PEBP4: variants seen among roughly 807,000 people sequenced by gnomAD.
PEBP4 encodes phosphatidylethanolamine-binding protein 4.
A neutral mutation model predicts 23.9 loss-of-function variants in PEBP4; 22 were observed. The ratio of observed to expected loss-of-function variants is 0.92; its 90% CI spans 0.66 to 1.31. PEBP4 has a LOEUF of 1.31. PEBP4 is among the 40% of genes most tolerant of loss of function. PEBP4 has a pLI of 0.00. For missense variants in PEBP4, 324 were observed against 281.7 expected (o/e 1.15, Z -1.07); for synonymous variants, 112 against 99.3 (o/e 1.13, Z -0.76).
intron 4 of PEBP4, among the ~76,000 whole-genome samples, chr8:22,796,438 G>A (rs192310724): frequency 4.0e-4 from 61 of 152,236 alleles, no homozygotes; most frequent in African/African-American, 1.4e-3. Flanking sequence ...TAAGTTGAGC[G>A]GAATTGTCTC....
intron 3 of PEBP4, among the ~76,000 whole-genome samples, chr8:22,909,250 C>T (rs1056455222): frequency 3.3e-5 from 5 of 152,164 alleles, no homozygotes; most frequent in Non-Finnish European, 7.4e-5. Context: ...GGGAGCCACA[C>T]CTAAGACGTG....
intron 4 of PEBP4, among the ~76,000 whole-genome samples, chr8:22,766,611 C>G (rs1805619461): frequency 6.6e-6 from 1 of 152,190 alleles, no homozygotes; most frequent in African/African-American, 2.4e-5. Context: ...CTGCACATTG[C>G]TGTGGGGGTA....
At chr8:22,840,164 A>C (rs902720550) in intron 3 of PEBP4, among the ~76,000 whole-genome samples, 1 of 152,168 alleles carries the variant, frequency 6.6e-6, no homozygotes, top group Admixed American at 6.5e-5. Context: ...AACCGTGATC[A>C]CAGTGTAAAA....
At chr8:22,735,237 C>T (rs1357941595) in intron 4 of PEBP4, among the ~76,000 whole-genome samples, 1 of 152,070 alleles carries the variant, frequency 6.6e-6, no homozygotes, top group African/African-American at 2.4e-5. Context: ...ATAATTGAGG[C>T]CTAGAGGCCA....
At chr8:22,754,486 G>A (rs528173020) in intron 4 of PEBP4, among the ~76,000 whole-genome samples, 5 of 152,268 alleles carry the variant, frequency 3.3e-5, no homozygotes, top group East Asian at 1.9e-4. Context: ...GTAGATGCCT[G>A]GGAGATCTTT....
intron 3 of PEBP4, among the ~76,000 whole-genome samples, chr8:22,882,932 C>T (rs1182883315): frequency 6.6e-6 from 1 of 152,202 alleles, no homozygotes; most frequent in African/African-American, 2.4e-5. Flanking sequence ...CCACCTGTTC[C>T]TCCCACGATG....
chr8:22,827,705 G>A (rs542589199), intron 3 of PEBP4, among the ~76,000 whole-genome samples: 1 of 152,318 alleles, frequency 6.6e-6, no homozygotes, highest in Admixed American at 6.5e-5. Flanking sequence ...TTTGCTGTAA[G>A]TCTCTGTGCA....
intron 4 of PEBP4, among the ~76,000 whole-genome samples, chr8:22,773,670 G>C (rs1805760179): frequency 6.6e-6 from 1 of 152,186 alleles, no homozygotes. Flanking sequence ...CTGCCAGAAG[G>C]ACCTGTGGGA....
In PEBP4 at chr8:22,898,371, G is replaced by A. The variant is rs576305903; in HGVS notation, c.258+21813C>T. 7.1e-4 allele frequency among the ~76,000 whole-genome samples: 84 copies of A among 118,924 alleles called. 1 individual carries two copies. Among genetic ancestry groups the A allele is most frequent in the African/African-American group, 2.5e-3 (77 of 31,166 alleles). The allele number at this position is 118,924 out of a possible 152,430, so 78.0% of individuals were successfully genotyped here. A position where few individuals can be genotyped will look rare whatever the true frequency, so the allele number is the denominator to read the frequency against. On this transcript the variant is annotated intron_variant, in intron 3 of 6. Transcript: ENST00000256404. ...CACACCGCTGCACTCCAGCCTGAGC[G>A]ACAGAGGAAGACTCCACCCCAAAAA...
At chr8:22,909,033 G>A (rs1238910408) in intron 3 of PEBP4, among the ~76,000 whole-genome samples, 2 of 152,144 alleles carry the variant, frequency 1.3e-5, no homozygotes, top group African/African-American at 2.4e-5. Flanking sequence ...GAACCCACCC[G>A]ACCCAAATCA....
In PEBP4 at chr8:22,798,014, G is replaced by A. The variant is rs758363196; in HGVS notation, c.357+19623C>T. 9.9e-5 allele frequency among the ~76,000 whole-genome samples: 15 copies of A among 152,260 alleles called. No homozygotes were observed. The South Asian group carries it at 1.2e-3, about 13-fold the overall frequency. On this transcript the variant is annotated intron_variant, in intron 4 of 6. Coordinates refer to ENST00000256404, the MANE Select transcript of PEBP4 (RefSeq NM_144962.3). Reference sequence around the variant, plus strand: ...TGGGACAACTAGGAAACAAGGCAGCGTGGAATCAGGTGCTAAATTGTGTGG... The same window carrying A: ...TGGGACAACTAGGAAACAAGGCAGCATGGAATCAGGTGCTAAATTGTGTGG...
intron 2 of PEBP4, chr8:22,925,245 C>A: frequency 1.0e-6 from 1 of 985,408 alleles, no homozygotes; most frequent in African/African-American, 1.7e-5. Flanking sequence ...ACCTTAAGGT[C>A]ATAAGTCTCT....
At chr8:22,876,154 A>T (rs1585318542) in intron 3 of PEBP4, among the ~76,000 whole-genome samples, 1 of 152,072 alleles carries the variant, frequency 6.6e-6, no homozygotes, top group Admixed American at 6.5e-5. Flanking sequence ...CAAGTGATAC[A>T]CCAGCCTCAG....
Position 22,817,626 on chromosome 8 carries a change from G to T in PEBP4, c.357+11C>A. The T allele has an allele frequency of 6.2e-7, 1 of 1,610,664 alleles. No homozygotes were observed. The highest frequency in any genetic ancestry group is 8.5e-7 in the Non-Finnish European group (1 of 1,176,898). On this transcript the variant is annotated intron_variant, in intron 4 of 6. Transcript: ENST00000256404. ...CCAAATGCGTCAGAGAGTGCCTCTT[G>T]GCCTGCTTACCTTGATATCTGTTAC...
In PEBP4 at chr8:22,927,649, TC is replaced by T. The variant is rs1563264880; in HGVS notation, c.65del (p.Gly22GlufsTer57). On this transcript the variant is annotated frameshift_variant, in exon 2 of 7. Coordinates refer to ENST00000256404, the MANE Select transcript of PEBP4 (RefSeq NM_144962.3). LOFTEE classifies it high-confidence loss of function. ...LLLGLMMVVTGDEDENSPCAH... is the reference protein window; with the variant it reads ...LLLGLMMVVTXDEDENSPCAH... ...CACACGGGCTGTTCTCATCCTCGTC[TC>T]CAGTGACCACCATCATGAGACCCAG... The T allele has an allele frequency of 6.2e-7, 1 of 1,613,988 alleles. No homozygotes were observed. The highest frequency in any genetic ancestry group is 8.5e-7 in the Non-Finnish European group (1 of 1,179,896).
intron 2 of PEBP4, among the ~76,000 whole-genome samples, chr8:22,926,107 C>T (rs1280970144): frequency 6.6e-6 from 1 of 151,988 alleles, no homozygotes; most frequent in Non-Finnish European, 1.5e-5. Flanking sequence ...TCCTGAGTAG[C>T]TGGGATTACA....
Position 22,898,321 on chromosome 8 carries a change from G to T in PEBP4, c.258+21863C>A, listed in dbSNP as rs149446445. Among the ~76,000 whole-genome samples, 1,399 of 142,598 alleles carry T rather than the reference G, an allele frequency of 9.8e-3. 22 individuals are homozygous for T. The highest frequency in any genetic ancestry group is 0.035 in the African/African-American group (1,343 of 38,688). 93.5% of individuals were successfully genotyped at this position (142,598 alleles called of 152,430 possible). ...GTGGGAGAGTTGCTTGGACCTGGAA[G>T]GCAGAGGTTGCAGTGAGCCGAGATC... On this transcript the variant is annotated intron_variant, in intron 3 of 6. Coordinates refer to ENST00000256404, the MANE Select transcript of PEBP4 (RefSeq NM_144962.3).
intron 3 of PEBP4, among the ~76,000 whole-genome samples, chr8:22,857,169 C>G (rs1190245577): frequency 6.6e-6 from 1 of 151,204 alleles, no homozygotes; most frequent in African/African-American, 2.4e-5. Flanking sequence ...AATTTTTTTC[C>G]CTTTCTTTAA....
chr8:22,913,549 G>A (rs1040353754), intron 3 of PEBP4, among the ~76,000 whole-genome samples: 3 of 151,780 alleles, frequency 2.0e-5, no homozygotes, highest in East Asian at 1.9e-4. Context: ...CAGCCCCTGC[G>A]GCCACACCTG....
Sources: gnomAD v4.1 joint callset for allele counts (sites outside exome capture counted in the v4.1 genomes callset) on GRCh38, gnomAD v4.1.1 for gene constraint, MANE v1.5 for transcripts, NCBI Gene and HGNC (gene_info 2026-07-23, HGNC 2026-07-21) for gene names.